WWOX: variants seen among roughly 807,000 people sequenced by gnomAD.
WWOX encodes WW domain containing oxidoreductase, also known as WW domain-containing oxidoreductase.
Under a neutral mutation model 46.2 loss-of-function variants are expected in WWOX, and 69 were observed. The observed-to-expected ratio is 1.49, with a 90% confidence interval of 1.23 to 1.82. The LOEUF (loss-of-function observed/expected upper bound fraction) is 1.82. WWOX is among the 40% of genes most tolerant of loss of function. WWOX has a pLI of 0.00. For missense variants in WWOX, 919 were observed against 542.6 expected (o/e 1.69, Z -6.89); for synonymous variants, 359 against 202.6 (o/e 1.77, Z -6.56).
At chr16:78,914,682 A>G (rs2045201160) in intron 8 of WWOX, among the ~76,000 whole-genome samples, 1 of 151,684 alleles carries the variant, frequency 6.6e-6, no homozygotes, top group African/African-American at 2.4e-5. Flanking sequence ...GATCCAGACT[A>G]TCCTGGCTAA....
At chr16:78,133,006 A>G (rs1425732339) in intron 4 of WWOX, among the ~76,000 whole-genome samples, 2 of 152,092 alleles carry the variant, frequency 1.3e-5, no homozygotes, top group South Asian at 2.1e-4. Flanking sequence ...ATGTTTCTGG[A>G]TGGTATTTGG....
At chr16:78,831,453 C>T (rs765056323) in intron 8 of WWOX, among the ~76,000 whole-genome samples, 4 of 152,136 alleles carry the variant, frequency 2.6e-5, no homozygotes, top group Non-Finnish European at 2.9e-5. Flanking sequence ...AATGGGTGCT[C>T]TAGGGAGATG....
Position 79,212,178 on chromosome 16 carries a change from G to C in WWOX, c.*382G>C, listed in dbSNP as rs2051786471. ...AGCTACCACCACGGCCACCACTGCAGCCGGGGGCTGGCCTTCTCCTACTTA... is the reference window on the plus strand; with the variant it reads ...AGCTACCACCACGGCCACCACTGCACCCGGGGGCTGGCCTTCTCCTACTTA... On this transcript the variant is annotated 3_prime_UTR_variant, in exon 9 of 9. Coordinates refer to ENST00000566780, the MANE Select transcript of WWOX (RefSeq NM_016373.4). 1.3e-5 allele frequency: 19 copies of C among 1,481,898 alleles called. No homozygotes were observed. The highest frequency in any genetic ancestry group is 1.4e-5 in the Non-Finnish European group (16 of 1,123,186). 91.8% of individuals were successfully genotyped at this position (1,481,898 alleles called of 1,614,324 possible).
Position 78,569,782 on chromosome 16 carries a change from C to A in WWOX, c.1056+137030C>A, listed in dbSNP as rs192382786. Among the ~76,000 whole-genome samples, 4 of 152,308 alleles carry A rather than the reference C, an allele frequency of 2.6e-5. No individual in the cohort carries two copies. In the East Asian group the frequency reaches 7.7e-4, roughly 29 times the overall value. On this transcript the variant is annotated intron_variant, in intron 8 of 8. Coordinates refer to ENST00000566780, the MANE Select transcript of WWOX (RefSeq NM_016373.4). ...CTTATCTTGAACCTTTTATCCTCTT[C>A]TTATTGACCAAAGAGAGGGCATATC...
At chr16:78,811,781 A>G (rs563715625) in intron 8 of WWOX, among the ~76,000 whole-genome samples, 13 of 152,196 alleles carry the variant, frequency 8.5e-5, no homozygotes, top group African/African-American at 2.4e-4. Flanking sequence ...ATACCATCCC[A>G]CTGATGGTCA....
chr16:79,161,863 G>T (rs1202190456), intron 8 of WWOX, among the ~76,000 whole-genome samples: 1 of 152,154 alleles, frequency 6.6e-6, no homozygotes, highest in Non-Finnish European at 1.5e-5. Context: ...CACCTCCCTG[G>T]ACTGTCTTGG....
intron 8 of WWOX, among the ~76,000 whole-genome samples, chr16:78,539,906 A>C (rs983646648): frequency 1.3e-5 from 2 of 152,096 alleles, no homozygotes; most frequent in Admixed American, 1.3e-4. Flanking sequence ...GATCCAGTAC[A>C]TATTTATAAA....
At chr16:78,232,541 T>C (rs1188124491) in intron 5 of WWOX, among the ~76,000 whole-genome samples, 1 of 152,210 alleles carries the variant, frequency 6.6e-6, no homozygotes, top group African/African-American at 2.4e-5. Flanking sequence ...GGGAGCTCAC[T>C]GTTGGTGAAA....
At chr16:78,835,126 G>T (rs1413874079) in intron 8 of WWOX, among the ~76,000 whole-genome samples, 3 of 152,094 alleles carry the variant, frequency 2.0e-5, no homozygotes, top group Admixed American at 1.3e-4. Context: ...GGTAATATAT[G>T]GGCTTGAATC....
intron 6 of WWOX, among the ~76,000 whole-genome samples, chr16:78,410,217 C>G (rs1334036325): frequency 6.6e-6 from 1 of 152,214 alleles, no homozygotes; most frequent in African/African-American, 2.4e-5. Context: ...GCACATGCTT[C>G]TTGTAGAGTC....
At chr16:78,125,703 T>C (rs374404745) in intron 4 of WWOX, among the ~76,000 whole-genome samples, 5 of 152,182 alleles carry the variant, frequency 3.3e-5, no homozygotes, top group African/African-American at 1.2e-4. Context: ...CTCTACCAAA[T>C]CAAATTTTTT....
At chr16:79,079,011 T>C (rs2048711541) in intron 8 of WWOX, among the ~76,000 whole-genome samples, 1 of 152,204 alleles carries the variant, frequency 6.6e-6, no homozygotes, top group Admixed American at 6.5e-5. Context: ...TAAAATATAA[T>C]ACATTTGACC....
chr16:79,135,610 C>G (rs967476194), intron 8 of WWOX, among the ~76,000 whole-genome samples: 1 of 152,078 alleles, frequency 6.6e-6, no homozygotes, highest in African/African-American at 2.4e-5. Context: ...CAATTGTGGA[C>G]CAATGAGATG....
intron 5 of WWOX, among the ~76,000 whole-genome samples, chr16:78,169,551 A>T (rs910021097): frequency 6.6e-6 from 1 of 151,512 alleles, no homozygotes; most frequent in African/African-American, 2.4e-5. Flanking sequence ...CTACAGCAAG[A>T]CCTCGACATT....
chr16:78,228,693 C>T (rs2037151145), intron 5 of WWOX, among the ~76,000 whole-genome samples: 1 of 152,112 alleles, frequency 6.6e-6, no homozygotes, highest in Non-Finnish European at 1.5e-5. Flanking sequence ...AAAAATTCAC[C>T]TTGTAGAACT....
intron 8 of WWOX, among the ~76,000 whole-genome samples, chr16:79,138,551 C>T (rs1442819270): frequency 6.6e-6 from 1 of 152,164 alleles, no homozygotes; most frequent in African/African-American, 2.4e-5. Flanking sequence ...GGCATCAGAC[C>T]TGGCAGGCAG....
chr16:78,947,629 A>G (rs1264467757), intron 8 of WWOX, among the ~76,000 whole-genome samples: 2 of 152,056 alleles, frequency 1.3e-5, no homozygotes, highest in South Asian at 4.2e-4. Flanking sequence ...TGGTCAGATA[A>G]CCCCCGATCG....
At chr16:78,769,849 A>G (rs2050021274) in intron 8 of WWOX, among the ~76,000 whole-genome samples, 1 of 151,430 alleles carries the variant, frequency 6.6e-6, no homozygotes, top group Admixed American at 6.6e-5. Context: ...TCTACAAAAA[A>G]TAAAAAATAA....
At chr16:78,706,289 A>G (rs546358603) in intron 8 of WWOX, among the ~76,000 whole-genome samples, 1 of 152,016 alleles carries the variant, frequency 6.6e-6, no homozygotes, top group South Asian at 2.1e-4. Context: ...TGTCAGTCTC[A>G]CACACATCCT....
Sources: gnomAD v4.1 joint callset for allele counts (sites outside exome capture counted in the v4.1 genomes callset) on GRCh38, gnomAD v4.1.1 for gene constraint, MANE v1.5 for transcripts, NCBI Gene and HGNC (gene_info 2026-07-23, HGNC 2026-07-21) for gene names.